Variants in WASHC2C observed in about 807,000 individuals in gnomAD.
The protein encoded by WASHC2C is WASH complex subunit 2C, also known as Vaccinia Penetration Factor.
WASHC2C carries 73 observed loss-of-function variants against 142.2 expected under a neutral mutation model. The observed-to-expected ratio is 0.51, with a 90% CI of 0.43 to 0.62. The LOEUF (loss-of-function observed/expected upper bound fraction) is 0.62. Among genes scored for constraint, WASHC2C ranks in the 20% least tolerant of loss-of-function variants. The probability of loss-of-function intolerance (pLI) is 0.00; values close to 1 mark genes in which losing one functional copy is unlikely to be tolerated. For synonymous variants in WASHC2C, 337 were observed against 565.5 expected (o/e 0.60, Z 5.73); for missense variants, 969 against 1,531.7 (o/e 0.63, Z 6.13).
chr10:45,743,262 G>A (rs1554869219), intron 5 of WASHC2C, 128 bp from the exon 6 acceptor site: 1 of 1,499,242 alleles, frequency 6.7e-7, no homozygotes, highest in South Asian at 1.2e-5. Flanking sequence ...GTCCTGCTGT[G>A]TTTCTTATTC....
At chr10:45,761,001 G>A (rs556055692) in intron 17 of WASHC2C, among the ~76,000 whole-genome samples, 2 of 151,934 alleles carry the variant, frequency 1.3e-5, no homozygotes, top group Non-Finnish European at 2.9e-5. Context: ...AGTGACTTAC[G>A]AGATGTTCTG....
chr10:45,752,195 C>T (rs1209373575), intron 11 of WASHC2C, among the ~76,000 whole-genome samples: 5 of 152,342 alleles, frequency 3.3e-5, no homozygotes, highest in Non-Finnish European at 7.3e-5. Context: ...ATGTCGATTA[C>T]ATTAGACTTG....
At chr10:45,764,766 G>A (rs2055585135) in intron 18 of WASHC2C, among the ~76,000 whole-genome samples, 1 of 152,262 alleles carries the variant, frequency 6.6e-6, no homozygotes, top group Non-Finnish European at 1.5e-5. Context: ...GGTCACTGTG[G>A]CAGCTGTAAC....
intron 17 of WASHC2C, among the ~76,000 whole-genome samples, chr10:45,762,157 TTTC>T (rs1256192729): frequency 6.6e-6 from 1 of 151,800 alleles, no homozygotes; most frequent in Admixed American, 6.6e-5. Context: ...CTTGCAGGTC[TTTC>T]TTTGCAGGAT....
Position 45,754,564 on chromosome 10 carries a change from G to A in WASHC2C, c.1240+19G>A, listed in dbSNP as rs1554876356. 1 of 1,567,884 alleles carries A rather than the reference G, an allele frequency of 6.4e-7. No individual in the cohort carries two copies. The highest frequency in any genetic ancestry group is 1.2e-5 in the South Asian group (1 of 86,776). On this transcript the variant is annotated intron_variant, in intron 14 of 30. Coordinates refer to ENST00000623400, the MANE Select transcript of WASHC2C (RefSeq NM_001330074.2). Reference sequence around the variant, plus strand: ...TTTTTAGGTAACATAACTTAGGTTTGTTTTCTAAAAACTACACAAATACTG... The same window carrying A: ...TTTTTAGGTAACATAACTTAGGTTTATTTTCTAAAAACTACACAAATACTG...
intron 24 of WASHC2C, 36 bp from the exon 25 acceptor site, chr10:45,784,785 C>T (rs1554889350): frequency 1.9e-6 from 3 of 1,597,516 alleles, no homozygotes; most frequent in South Asian, 2.2e-5. Flanking sequence ...AATTGTTTTG[C>T]TTTTGGATAT....
chr10:45,759,690 G>A (rs1441914552), intron 17 of WASHC2C, among the ~76,000 whole-genome samples: 2 of 152,112 alleles, frequency 1.3e-5, no homozygotes, highest in South Asian at 2.1e-4. Flanking sequence ...ATGGTGGTGC[G>A]AGCCTGTAAT....
chr10:45,789,126 C>G lies in WASHC2C; in HGVS notation c.3343C>G (p.Pro1115Ala). The change falls in exon 29 of 31, where the codon CCC (proline) becomes GCC (alanine). Residue 1115 changes from proline to alanine, a missense_variant. Physicochemically the swap from Pro to Ala is conservative, Grantham distance 27 (BLOSUM62 -1). Coordinates refer to ENST00000623400, the MANE Select transcript of WASHC2C (RefSeq NM_001330074.2). Reference protein sequence around the residue: ...GGPVPGVDTSPFAKSLGHSRG... With the variant: ...GGPVPGVDTSAFAKSLGHSRG... The stretch of plus-strand genomic sequence containing the variant: ...TCCTGTGCCTGGAGTGGACACAAGC[C>G]CCTTTGCAAAGTCTCTGGGTCATTC... 1.2e-6 allele frequency: 2 copies of G among 1,612,060 alleles called. No homozygotes were observed. Among genetic ancestry groups the G allele is most frequent in the Non-Finnish European group, 1.7e-6 (2 of 1,179,866 alleles).
rs1308640445 is a variant in WASHC2C, at chr10:45,792,876, T to G, written c.*476T>G. The G allele has an allele frequency of 7.7e-4, 363 of 470,156 alleles. 3 individuals carry two copies. The Admixed American group carries it at 8.4e-3, about 11-fold the overall frequency. 29.1% of individuals were successfully genotyped at this position (470,156 alleles called of 1,614,324 possible). A position where few individuals can be genotyped will look rare whatever the true frequency, so the allele number is the denominator to read the frequency against. The stretch of plus-strand genomic sequence containing the variant: ...GTTTTCACTGAATTCTGAGGGTGCC[T>G]CTGCATGTCCTCCAAGGCAAAGTTT... On this transcript the variant is annotated 3_prime_UTR_variant, in exon 31 of 31. Transcript: ENST00000623400.
At chr10:45,781,237 G>C (rs2057479221) in intron 23 of WASHC2C, among the ~76,000 whole-genome samples, 1 of 152,206 alleles carries the variant, frequency 6.6e-6, no homozygotes, top group Non-Finnish European at 1.5e-5. Context: ...TTGATGGAAA[G>C]ACATCTTGTG....
chr10:45,790,184 C>T (rs1190257512), intron 29 of WASHC2C, among the ~76,000 whole-genome samples, 172 bp from the exon 30 acceptor site: 1 of 152,120 alleles, frequency 6.6e-6, no homozygotes, highest in Non-Finnish European at 1.5e-5. Flanking sequence ...GGGTGAGATG[C>T]GCGGGCCAAG....
At position 45,787,253 on chromosome 10, in the gene WASHC2C, G is replaced by A. The variant is rs1554890693; in HGVS notation, c.3087+6G>A. On this transcript the variant is annotated splice_donor_region_variant and intron_variant, in intron 28 of 30. Transcript: ENST00000623400. ...CCTTACACAGTGCAAACAAGGTGAT[G>A]AAACCATCTTTGCTTCCTTGCTCTC... 8.8e-6 allele frequency: 12 copies of A among 1,362,574 alleles called. No individual in the cohort carries two copies. In the South Asian group the frequency reaches 1.5e-4, roughly 17 times the overall value. The allele number at this position is 1,362,574 out of a possible 1,614,324, so 84.4% of individuals were successfully genotyped here.
At chr10:45,775,012 T>G (rs1167898844) in intron 21 of WASHC2C, among the ~76,000 whole-genome samples, 1 of 119,892 alleles carries the variant, frequency 8.3e-6, no homozygotes, top group Admixed American at 8.6e-5. Context: ...CCTTTGTGCT[T>G]CATCCAATAG....
intron 23 of WASHC2C, among the ~76,000 whole-genome samples, chr10:45,783,233 T>C (rs1364590818): frequency 1.3e-5 from 2 of 151,786 alleles, no homozygotes; most frequent in Non-Finnish European, 2.9e-5. Context: ...ATACCAATAC[T>C]ATAAGCTTAT....
intron 5 of WASHC2C, 55 bp from the exon 6 acceptor site, chr10:45,743,335 G>A (rs2052383482): frequency 6.2e-7 from 1 of 1,610,532 alleles, no homozygotes; most frequent in Non-Finnish European, 8.5e-7. Context: ...GGTGGCACAT[G>A]TAAGTTTGTT....
intron 3 of WASHC2C, among the ~76,000 whole-genome samples, chr10:45,730,626 C>CT (rs782754823): frequency 5.9e-4 from 77 of 130,812 alleles, no homozygotes; most frequent in African/African-American, 9.2e-4. Flanking sequence ...TGGGAAGTTT[C>CT]TTTTTTTTTT....
intron 17 of WASHC2C, among the ~76,000 whole-genome samples, chr10:45,761,157 G>A (rs1386798473): frequency 6.6e-6 from 1 of 151,442 alleles, no homozygotes; most frequent in African/African-American, 2.4e-5. Flanking sequence ...TGGCTGGGCT[G>A]AGGGTCAGCT....
At chr10:45,784,291 C>CAAAT (rs1270243147) in intron 23 of WASHC2C, among the ~76,000 whole-genome samples, 1 of 8,784 alleles carries the variant, frequency 1.1e-4, no homozygotes, top group Non-Finnish European at 2.2e-4. Context: ...TATATATATA[C>CAAAT]ACATATATAT....
At chr10:45,776,160 T>A (rs567330617) in intron 21 of WASHC2C, among the ~76,000 whole-genome samples, 56 of 152,230 alleles carry the variant, frequency 3.7e-4, no homozygotes, top group Non-Finnish European at 6.2e-4. Flanking sequence ...ATCCCCTTGC[T>A]CTCTTCTTTC....
Sources: gnomAD v4.1 joint callset for allele counts (sites outside exome capture counted in the v4.1 genomes callset) on GRCh38, gnomAD v4.1.1 for gene constraint, MANE v1.5 for transcripts, NCBI Gene and HGNC (gene_info 2026-07-23, HGNC 2026-07-21) for gene names.